The following ATF6 variants were observed in gnomAD, a reference collection of about 807,000 sequenced individuals.
ATF6 encodes cyclic AMP-dependent transcription factor ATF-6 alpha.
ATF6 carries 53 observed loss-of-function variants against 83.6 expected under a neutral mutation model. The observed-to-expected ratio is 0.63, with a 90% confidence interval of 0.51 to 0.80. The LOEUF (loss-of-function observed/expected upper bound fraction) is 0.80, where lower values mean the gene tolerates loss of function less well. ATF6 is among the 30% of genes least tolerant of loss of function. The probability of loss-of-function intolerance (pLI) is 0.00; values close to 1 mark genes in which losing one functional copy is unlikely to be tolerated. For synonymous variants in ATF6, 288 were observed against 285.8 expected (o/e 1.01, Z -0.08); for missense variants, 744 against 797.9 (o/e 0.93, Z 0.81).
intron 14 of ATF6, among the ~76,000 whole-genome samples, chr1:161,881,260 T>G (rs1049083805): frequency 2.4e-4 from 36 of 152,242 alleles, no homozygotes; most frequent in South Asian, 2.1e-4. Context: ...AAAGTAACAA[T>G]CACAGTCTTG....
At chr1:161,822,531 G>A (rs10737502) in intron 9 of ATF6, among the ~76,000 whole-genome samples, 136,136 of 152,194 alleles carry the variant, frequency 0.89, 61,054 homozygotes, top group African/African-American at 0.96. Context: ...AAAATTGAAT[G>A]ATCTCTTTTT....
chr1:161,922,401 C>T (rs1166767672), intron 15 of ATF6, among the ~76,000 whole-genome samples: 1 of 152,036 alleles, frequency 6.6e-6, no homozygotes, highest in East Asian at 1.9e-4. Context: ...CTCCTTTATG[C>T]CTAATGCTGG....
intron 14 of ATF6, among the ~76,000 whole-genome samples, chr1:161,896,585 T>C (rs1175038525): frequency 1.3e-5 from 2 of 152,210 alleles, no homozygotes; most frequent in Non-Finnish European, 2.9e-5. Context: ...TATTTTTCCT[T>C]ATTGGTGAAA....
At position 161,956,070 on chromosome 1, in the gene ATF6, G is replaced by T. The variant is rs902535639; in HGVS notation, c.1805-2376G>T. Among the ~76,000 whole-genome samples the T allele has an allele frequency of 1.1e-4, 17 of 152,174 alleles. 1 individual carries two copies. In the South Asian group the frequency reaches 3.3e-3, roughly 30 times the overall value. On this transcript the variant is annotated intron_variant, in intron 15 of 15. Coordinates refer to ENST00000367942, the MANE Select transcript of ATF6 (RefSeq NM_007348.4). ...TTTCCATCTCTTCTTGATATTTAAA[G>T]CTTTAAAAAACCGCAGTTATCAGTT...
chr1:161,896,992 A>G (rs74125042), intron 14 of ATF6, among the ~76,000 whole-genome samples: 56 of 152,342 alleles, frequency 3.7e-4, no homozygotes, highest in African/African-American at 1.3e-3. Context: ...TTACATTAGA[A>G]GAGAGTTCTT....
intron 9 of ATF6, among the ~76,000 whole-genome samples, chr1:161,842,173 A>G (rs902480263): frequency 3.9e-5 from 6 of 152,106 alleles, no homozygotes; most frequent in Non-Finnish European, 7.4e-5. Context: ...TGTTGAATCT[A>G]TTGTAAAAAT....
intron 8 of ATF6, 149 bp from the exon 9 acceptor site, chr1:161,820,921 T>C (rs1685742807): frequency 2.1e-6 from 1 of 483,702 alleles, no homozygotes; most frequent in Non-Finnish European, 3.5e-6. Flanking sequence ...TTCCTCACCT[T>C]TGATTTTTTT....
chr1:161,917,716 G>A (rs566607276), intron 15 of ATF6, among the ~76,000 whole-genome samples: 8 of 152,218 alleles, frequency 5.3e-5, no homozygotes, highest in East Asian at 1.9e-4. Context: ...CACCGCGCCC[G>A]GCCTTTATAC....
At chr1:161,909,970 ACAGTAAGAGGC>A (rs557791146) in intron 14 of ATF6, among the ~76,000 whole-genome samples, 29 of 152,258 alleles carry the variant, frequency 1.9e-4, no homozygotes, top group African/African-American at 6.5e-4. Context: ...AAAAGAAAAG[ACAGTAAGAGGC>A]CAGTAAATAT....
At chr1:161,797,344 T>G (rs1364606722) in intron 6 of ATF6, among the ~76,000 whole-genome samples, 2 of 151,896 alleles carry the variant, frequency 1.3e-5, no homozygotes, top group East Asian at 1.9e-4. Context: ...GAGAAAGAAA[T>G]AAAAGGCATC....
At position 161,853,314 on chromosome 1, in the gene ATF6, T is replaced by G; in HGVS notation, c.1524T>G (p.Arg508=). ...RRMTNNQQKT[R]ILQGALEQGS... ...TGACAAATAATCAACAGAAAACCCG[T>G]ATTCTTCAGGTATGTTTCTGTTTGT... is the stretch of plus-strand genomic sequence containing the variant. Residue 508 remains arginine (R), a synonymous_variant, in exon 12 of 16, where the codon CGT becomes CGG. Transcript: ENST00000367942. The G allele has an allele frequency of 6.2e-7, 1 of 1,611,358 alleles. No homozygotes were observed. Among genetic ancestry groups the G allele is most frequent in the Non-Finnish European group, 8.5e-7 (1 of 1,177,722 alleles).
chr1:161,790,239 G>A (rs762369598), intron 4 of ATF6, among the ~76,000 whole-genome samples: 1 of 151,816 alleles, frequency 6.6e-6, no homozygotes, highest in Non-Finnish European at 1.5e-5. Context: ...ACTTAAGAGG[G>A]TCTGCAACAC....
intron 15 of ATF6, among the ~76,000 whole-genome samples, chr1:161,922,338 A>T (rs181760198): frequency 5.3e-5 from 8 of 152,320 alleles, no homozygotes. Flanking sequence ...TTCTACTAAC[A>T]GTTCCTTGAA....
chr1:161,767,740 T>G (rs946583083), intron 1 of ATF6, among the ~76,000 whole-genome samples: 1 of 152,256 alleles, frequency 6.6e-6, no homozygotes, highest in African/African-American at 2.4e-5. Context: ...AACTCATGTC[T>G]ACAGATTTTA....
In ATF6 at chr1:161,791,487, C is replaced by A. The variant is rs201470370; in HGVS notation, c.434C>A (p.Ala145Glu). 18 of 1,612,214 alleles carry A rather than the reference C, an allele frequency of 1.1e-5. No individual in the cohort carries two copies. The highest frequency in any genetic ancestry group is 8.8e-5 in the South Asian group (8 of 91,012). ...YGENSNSLSS[A>E]EPLKEDKPVT... Reference sequence around the variant, plus strand: ...GAAAACTCTAATAGTCTCTCTTCAGCGGAGCCACTGAAGGAAGATAAGCCT... The same window carrying A: ...GAAAACTCTAATAGTCTCTCTTCAGAGGAGCCACTGAAGGAAGATAAGCCT... Residue 145 changes from alanine to glutamate, a missense_variant, in exon 5 of 16, where the codon GCG (alanine) becomes GAG (glutamate). Coordinates refer to ENST00000367942, the MANE Select transcript of ATF6 (RefSeq NM_007348.4).
chr1:161,771,949 G>A (rs911468280), intron 1 of ATF6, among the ~76,000 whole-genome samples: 1 of 152,102 alleles, frequency 6.6e-6, no homozygotes, highest in Admixed American at 6.5e-5. Context: ...CTTTTACCCA[G>A]TCTCAGCCAT....
At chr1:161,771,663 G>A (rs1265336710) in intron 1 of ATF6, among the ~76,000 whole-genome samples, 2 of 152,092 alleles carry the variant, frequency 1.3e-5, no homozygotes, top group Non-Finnish European at 2.9e-5. Flanking sequence ...TGGAGCTGGA[G>A]TATGCGGTGG....
At chr1:161,845,098 A>G (rs1386077813) in intron 9 of ATF6, among the ~76,000 whole-genome samples, 1 of 152,218 alleles carries the variant, frequency 6.6e-6, no homozygotes. Flanking sequence ...GGTAGCAATG[A>G]TTTCTGGGGG....
At chr1:161,945,656 A>G (rs1688733149) in intron 15 of ATF6, among the ~76,000 whole-genome samples, 1 of 152,234 alleles carries the variant, frequency 6.6e-6, no homozygotes, top group African/African-American at 2.4e-5. Flanking sequence ...TTTGTGTTAG[A>G]TATAGGCATA....
Sources: allele counts gnomAD v4.1 joint callset (sites outside exome capture counted in the v4.1 genomes callset), GRCh38; gene constraint gnomAD v4.1.1; transcripts MANE v1.5; gene names NCBI Gene and HGNC (gene_info 2026-07-23, HGNC 2026-07-21).